CACNA1D: variants seen among roughly 807,000 people sequenced by gnomAD.
CACNA1D encodes calcium voltage-gated channel subunit alpha1 D.
A neutral mutation model predicts 257.1 loss-of-function variants in CACNA1D; 55 were observed. That is an observed-to-expected ratio of 0.21 (90% confidence interval 0.17 to 0.27). CACNA1D has a LOEUF of 0.27. CACNA1D is among the 10% of genes least tolerant of loss of function. CACNA1D has a pLI of 1.00. For missense variants in CACNA1D, 1,876 were observed against 2,784.0 expected (o/e 0.67, Z 7.34); for synonymous variants, 980 against 1,014.9 (o/e 0.97, Z 0.65).
chr3:53,592,024 C>T (rs529687648), intron 3 of CACNA1D, among the ~76,000 whole-genome samples: 1 of 152,292 alleles, frequency 6.6e-6, no homozygotes, highest in South Asian at 2.1e-4. Context: ...TCTCTCGTTC[C>T]TTCAGCAGTT....
At chr3:53,763,138 C>G (rs1466352974) in intron 30 of CACNA1D, among the ~76,000 whole-genome samples, 1 of 152,238 alleles carries the variant, frequency 6.6e-6, no homozygotes, top group Non-Finnish European at 1.5e-5. Context: ...CTGAGTCTGA[C>G]TGGTGACACT....
chr3:53,682,365 T>TAAAAAAAAAAAAAAAAAAAAAAAAAAAA (rs3082718), intron 8 of CACNA1D, among the ~76,000 whole-genome samples: 2 of 47,362 alleles, frequency 4.2e-5, no homozygotes, highest in South Asian at 6.7e-4. Context: ...TTGTCTCTGG[T>TAAAAAAAAAAAAAAAAAAAAAAAAAAAA]AAAAAAAAAA....
At chr3:53,621,815 G>C (rs2093699733) in intron 3 of CACNA1D, among the ~76,000 whole-genome samples, 1 of 152,066 alleles carries the variant, frequency 6.6e-6, no homozygotes, top group Admixed American at 6.6e-5. Flanking sequence ...AAATTTAACA[G>C]ATATTTTTAA....
intron 3 of CACNA1D, among the ~76,000 whole-genome samples, chr3:53,509,482 T>C (rs2091015342): frequency 6.6e-6 from 1 of 152,162 alleles, no homozygotes; most frequent in Non-Finnish European, 1.5e-5. Flanking sequence ...AAAGCAATTA[T>C]TTTTGCTAAT....
intron 3 of CACNA1D, among the ~76,000 whole-genome samples, chr3:53,522,642 C>T (rs1197786080): frequency 3.9e-5 from 6 of 152,118 alleles, no homozygotes; most frequent in African/African-American, 4.8e-5. Flanking sequence ...AATTTTTTAT[C>T]GAAAATTTTA....
intron 8 of CACNA1D, among the ~76,000 whole-genome samples, chr3:53,686,165 A>G (rs534677642): frequency 6.6e-6 from 1 of 152,142 alleles, no homozygotes. Context: ...GGAGAGTCCT[A>G]TATTTGCCTT....
chr3:53,553,410 C>T (rs1254950620), intron 3 of CACNA1D, among the ~76,000 whole-genome samples: 3 of 152,196 alleles, frequency 2.0e-5, no homozygotes, highest in East Asian at 1.9e-4. Context: ...CTGTTCCTCA[C>T]GCATTTCAAG....
chr3:53,552,981 A>G (rs58488663), intron 3 of CACNA1D, among the ~76,000 whole-genome samples: 4,534 of 152,320 alleles, frequency 0.03, 228 homozygotes, highest in African/African-American at 0.1. Flanking sequence ...ATAGGAGAGC[A>G]GTTGCTTTCA....
At chr3:53,627,051 T>A (rs908748969) in intron 3 of CACNA1D, among the ~76,000 whole-genome samples, 1 of 152,214 alleles carries the variant, frequency 6.6e-6, no homozygotes, top group African/African-American at 2.4e-5. Context: ...GATGTTTTCT[T>A]CCTGGTTGGT....
chr3:53,505,115 G>GTTTTTT (rs35938386), intron 3 of CACNA1D, among the ~76,000 whole-genome samples: 12 of 97,620 alleles, frequency 1.2e-4, no homozygotes, highest in South Asian at 3.7e-4. Context: ...TTGTTTATTT[G>GTTTTTT]TTTTTTTTTT....
In CACNA1D at chr3:53,602,245, T is replaced by C. The variant is rs2093452780; in HGVS notation, c.484-48534T>C. ...TGTGCTTGGCTTATTTCAGTTAACA[T>C]AATGACCCTGGTTCCATCCAAGTGG... On this transcript the variant is annotated intron_variant, in intron 3 of 47. Transcript: ENST00000350061. Among the ~76,000 whole-genome samples the C allele has an allele frequency of 2.0e-5, 3 of 152,240 alleles. No homozygotes were observed. In the South Asian group the frequency reaches 6.2e-4, roughly 32 times the overall value.
At chr3:53,710,376 G>A (rs1478766277) in intron 9 of CACNA1D, 1 of 456,038 alleles carries the variant, frequency 2.2e-6, no homozygotes, top group Non-Finnish European at 4.4e-6. Context: ...TAATGAAATT[G>A]CCTGTGTTCA....
At chr3:53,698,501 G>A (rs1395363969) in intron 8 of CACNA1D, among the ~76,000 whole-genome samples, 1 of 152,188 alleles carries the variant, frequency 6.6e-6, no homozygotes, top group African/African-American at 2.4e-5. Flanking sequence ...CTTCAGTCTG[G>A]TTATGGTATT....
intron 7 of CACNA1D, 33 bp from the exon 8 acceptor site, chr3:53,672,990 C>A: frequency 7.2e-7 from 1 of 1,390,824 alleles, no homozygotes; most frequent in Non-Finnish European, 1.0e-6. Flanking sequence ...CTCTTATTAA[C>A]CCACTCCTAT....
chr3:53,741,209 G>A (rs2095114862), intron 21 of CACNA1D, among the ~76,000 whole-genome samples: 1 of 152,300 alleles, frequency 6.6e-6, no homozygotes, highest in African/African-American at 2.4e-5. Flanking sequence ...CACAGGGCGT[G>A]GGTCATTGTG....
intron 47 of CACNA1D, 118 bp downstream of exon 47, chr3:53,810,416 A>T: frequency 1.1e-6 from 1 of 946,346 alleles, no homozygotes. Context: ...GGCTGCCTCA[A>T]TCAGACACTT....
intron 3 of CACNA1D, among the ~76,000 whole-genome samples, chr3:53,645,419 T>G (rs1338864708): frequency 1.3e-5 from 2 of 152,220 alleles, no homozygotes; most frequent in African/African-American, 4.8e-5. Context: ...GCTTTTACTC[T>G]GTTTTTCTGT....
intron 3 of CACNA1D, among the ~76,000 whole-genome samples, chr3:53,578,063 G>A (rs1443838375): frequency 6.6e-6 from 1 of 152,160 alleles, no homozygotes; most frequent in African/African-American, 2.4e-5. Context: ...ACACCCCAAA[G>A]TCTGTGGGGG....
chr3:53,511,016 T>C (rs1186309233), intron 3 of CACNA1D, among the ~76,000 whole-genome samples: 1 of 152,214 alleles, frequency 6.6e-6, no homozygotes, highest in Non-Finnish European at 1.5e-5. Context: ...CTGAGTCTTA[T>C]TTTGGAACGT....
Sources: allele counts gnomAD v4.1 joint callset (sites outside exome capture counted in the v4.1 genomes callset), GRCh38; gene constraint gnomAD v4.1.1; transcripts MANE v1.5; gene names NCBI Gene and HGNC (gene_info 2026-07-23, HGNC 2026-07-21).